Variants in NINL observed in about 807,000 individuals in gnomAD.
NINL encodes ninein-like protein.
Under a neutral mutation model 160.3 loss-of-function variants are expected in NINL, and 153 were observed. The ratio of observed to expected loss-of-function variants is 0.95; its 90% CI spans 0.84 to 1.09. The LOEUF is 1.09. NINL is among the 50% of genes least tolerant of loss of function. The pLI, the probability that NINL is intolerant of heterozygous loss-of-function variation, is 0.00. For synonymous variants in NINL, 800 were observed against 734.8 expected (o/e 1.09, Z -1.43); for missense variants, 1,829 against 1,764.0 (o/e 1.04, Z -0.66).
chr20:25,579,081 T>C (rs2065146290), intron 1 of NINL, among the ~76,000 whole-genome samples: 1 of 152,186 alleles, frequency 6.6e-6, no homozygotes, highest in Non-Finnish European at 1.5e-5. Context: ...AGCTTTTCTC[T>C]AGCACTGAAA....
At position 25,477,070 on chromosome 20, in the gene NINL, G is replaced by C; in HGVS notation, c.2221C>G (p.Leu741Val). Residue 741 changes from leucine (L) to valine (V), a missense_variant, in exon 17 of 24, where the codon CTG (leucine) becomes GTG (valine). Transcript: ENST00000278886. ...QQIRREAEAELSGELSGLGAL... is the reference protein window; with the variant it reads ...QQIRREAEAEVSGELSGLGAL... ...CCCAGCCCCGACAGCTCTCCACTCA[G>C]CTCCGCCTCAGCCTCTCTCCTGTGG... The C allele has an allele frequency of 6.3e-7, 1 of 1,596,488 alleles. No individual in the cohort carries two copies. Among genetic ancestry groups the C allele is most frequent in the African/African-American group, 1.3e-5 (1 of 74,984 alleles).
intron 7 of NINL, among the ~76,000 whole-genome samples, chr20:25,502,450 A>C (rs2063887798): frequency 6.6e-6 from 1 of 152,190 alleles, no homozygotes; most frequent in Non-Finnish European, 1.5e-5. Context: ...AACTGCAGAG[A>C]GACCCGGTAT....
chr20:25,491,403 C>A lies in NINL; in HGVS notation c.1433G>T (p.Arg478Leu), dbSNP rs368408445. Residue 478 changes from arginine (R) to leucine (L), a missense_variant, in exon 11 of 24, where the codon CGC (arginine) becomes CTC (leucine). Arg to Leu is a moderately radical substitution (Grantham distance 102). Transcript: ENST00000278886. ...GAGGCCAGCCTCCTCAGCCTGCAGG[C>A]GCCCCACGTCCCACTCCAGCGCGGC... ...QRAALEWDVG[R>L]LQAEEAGLRE... is the part of the protein sequence containing the mutation. 1.9e-6 allele frequency: 3 copies of A among 1,612,508 alleles called. No individual in the cohort carries two copies. The highest frequency in any genetic ancestry group is 2.5e-6 in the Non-Finnish European group (3 of 1,179,932).
intron 7 of NINL, among the ~76,000 whole-genome samples, chr20:25,502,200 T>C (rs528782578): frequency 6.6e-6 from 1 of 152,242 alleles, no homozygotes; most frequent in Admixed American, 6.5e-5. Context: ...CAGGCTGGTC[T>C]CCAACTCCTG....
chr20:25,486,202 TA>T (rs2063500457), intron 13 of NINL, among the ~76,000 whole-genome samples: 1 of 152,124 alleles, frequency 6.6e-6, no homozygotes, highest in South Asian at 2.1e-4. Context: ...TGTTTTCATA[TA>T]AAAAGTTTTT....
At chr20:25,491,584 G>T in intron 10 of NINL, 59 bp from the exon 11 acceptor site, 1 of 1,560,842 alleles carries the variant, frequency 6.4e-7, no homozygotes. Flanking sequence ...CCAGGCCCAC[G>T]CCACCCCCTT....
intron 8 of NINL, among the ~76,000 whole-genome samples, chr20:25,499,696 G>A (rs897660421): frequency 3.9e-5 from 6 of 152,094 alleles, no homozygotes; most frequent in Non-Finnish European, 5.9e-5. Context: ...GGTCTGTGGA[G>A]TAGGGTGGAC....
Position 25,476,533 on chromosome 20 carries a change from G to T in NINL, c.2758C>A (p.Pro920Thr). 1 of 1,600,686 alleles carries T rather than the reference G, an allele frequency of 6.2e-7. No homozygotes were observed. The highest frequency in any genetic ancestry group is 8.5e-7 in the Non-Finnish European group (1 of 1,179,826). Residue 920 changes from proline (P) to threonine (T), a missense_variant, in exon 17 of 24, where the codon CCA becomes ACA. By Grantham distance (38) the Pro-to-Thr change is conservative (BLOSUM62 -1). Transcript: ENST00000278886. ...GCGCCGAAAGGCTCTGGCTCCTTTG[G>T]GACAATATCCCCATCCACTCCACAG... Reference protein sequence around the residue: ...QPCGVDGDIVPKEPEPFGASA... With the variant: ...QPCGVDGDIVTKEPEPFGASA...
intron 8 of NINL, among the ~76,000 whole-genome samples, chr20:25,499,932 G>A (rs1286885514): frequency 1.0e-5 from 1 of 98,310 alleles, no homozygotes; most frequent in Admixed American, 1.5e-4. Flanking sequence ...CAAACAGTAT[G>A]ACACCAATTT....
chr20:25,574,793 G>A (rs1400827462), intron 1 of NINL, among the ~76,000 whole-genome samples: 2 of 150,592 alleles, frequency 1.3e-5, no homozygotes, highest in Admixed American at 1.3e-4. Context: ...GAGTGTAGAT[G>A]TGGGCATGAG....
chr20:25,461,700 C>A, intron 20 of NINL, 65 bp from the exon 21 acceptor site: 1 of 1,097,078 alleles, frequency 9.1e-7, no homozygotes, highest in Non-Finnish European at 1.4e-6. Context: ...GTAATTCGTG[C>A]AAAAACCTCA....
chr20:25,564,599 T>C (rs1316616976), intron 1 of NINL, among the ~76,000 whole-genome samples: 1 of 152,046 alleles, frequency 6.6e-6, no homozygotes, highest in Non-Finnish European at 1.5e-5. Flanking sequence ...ATTACAAGCG[T>C]GAGCCACCGC....
intron 1 of NINL, among the ~76,000 whole-genome samples, chr20:25,570,592 C>T (rs2065042597): frequency 6.6e-6 from 1 of 151,964 alleles, no homozygotes; most frequent in African/African-American, 2.4e-5. Flanking sequence ...TTATAAATTA[C>T]CCAGTCTAAG....
chr20:25,464,897 C>A (rs1568843329), intron 19 of NINL, among the ~76,000 whole-genome samples: 2 of 152,202 alleles, frequency 1.3e-5, no homozygotes, highest in Non-Finnish European at 2.9e-5. Flanking sequence ...ACTCGAGTGA[C>A]AAGTTCCTGG....
At chr20:25,522,793 T>C (rs1217647323) in intron 2 of NINL, among the ~76,000 whole-genome samples, 1 of 152,202 alleles carries the variant, frequency 6.6e-6, no homozygotes, top group Non-Finnish European at 1.5e-5. Context: ...TGTCCTTCTT[T>C]ACAGTTCACA....
At position 25,466,395 on chromosome 20, in the gene NINL, C is replaced by T. The variant is rs143841484; in HGVS notation, c.3423+994G>A. 3.3e-5 allele frequency among the ~76,000 whole-genome samples: 5 copies of T among 152,260 alleles called. No homozygotes were observed. The East Asian group carries it at 9.6e-4, about 29-fold the overall frequency. ...GTGAAATATATAGATATGAACAGAA[C>T]TAAAGTGCAGGTGGCAATGCGGATA... On this transcript the variant is annotated intron_variant, in intron 19 of 23. Transcript: ENST00000278886.
At chr20:25,482,165 A>T in intron 13 of NINL, 65 bp from the exon 14 acceptor site, 1 of 1,549,182 alleles carries the variant, frequency 6.5e-7, no homozygotes, top group African/African-American at 1.3e-5. Flanking sequence ...GAGCTGGCCG[A>T]GCTGGCCTCC....
At position 25,501,027 on chromosome 20, in the gene NINL, C is replaced by A; in HGVS notation, c.862-17G>T. On this transcript the variant is annotated splice_polypyrimidine_tract_variant and intron_variant, in intron 7 of 23. Coordinates refer to ENST00000278886, the MANE Select transcript of NINL (RefSeq NM_025176.6). ...CTCTGGGACCTGCATGTCAGGAAGA[C>A]TTCCATAGCGCCCAGCGTCCAAAGC... 2 of 1,611,966 alleles carry A rather than the reference C, an allele frequency of 1.2e-6. No individual in the cohort carries two copies. The highest frequency in any genetic ancestry group is 1.7e-6 in the Non-Finnish European group (2 of 1,178,972).
intron 21 of NINL, among the ~76,000 whole-genome samples, chr20:25,460,541 G>C (rs556362351): frequency 2.0e-5 from 3 of 152,140 alleles, no homozygotes; most frequent in Admixed American, 6.5e-5. Context: ...CAAAGGACTC[G>C]AACTGGCCCA....
Sources: gnomAD v4.1 joint callset for allele counts (sites outside exome capture counted in the v4.1 genomes callset) on GRCh38, gnomAD v4.1.1 for gene constraint, MANE v1.5 for transcripts, NCBI Gene and HGNC (gene_info 2026-07-23, HGNC 2026-07-21) for gene names.